The following OSBPL1A variants were observed in gnomAD, a reference collection of about 807,000 sequenced individuals.
OSBPL1A encodes oxysterol-binding protein-related protein 1.
OSBPL1A carries 80 observed loss-of-function variants against 137.1 expected under a neutral mutation model. The observed-to-expected ratio is 0.58, with a 90% CI of 0.49 to 0.70. The LOEUF is 0.70. Among genes scored for constraint, OSBPL1A ranks in the 30% least tolerant of loss-of-function variants. The pLI is 0.00. For missense variants in OSBPL1A, 970 were observed against 1,129.4 expected, an observed-to-expected ratio of 0.86 and a Z score of 2.02; for synonymous variants, 365 against 389.7, an observed-to-expected ratio of 0.94 and a Z score of 0.75.
intron 17 of OSBPL1A, among the ~76,000 whole-genome samples, chr18:24,203,126 C>T (rs1294545699): frequency 6.6e-6 from 1 of 152,134 alleles, no homozygotes; most frequent in East Asian, 1.9e-4. Context: ...TACAGGCATG[C>T]GCCACCATGT....
At chr18:24,172,303 C>T in intron 22 of OSBPL1A, 73 bp downstream of exon 22, 1 of 1,127,576 alleles carries the variant, frequency 8.9e-7, no homozygotes, top group Non-Finnish European at 1.3e-6. Context: ...ACAAACAAAA[C>T]AAAAAAACTG....
At chr18:24,228,897 G>A (rs2088179927) in intron 16 of OSBPL1A, among the ~76,000 whole-genome samples, 1 of 152,180 alleles carries the variant, frequency 6.6e-6, no homozygotes, top group Admixed American at 6.5e-5. Context: ...TGACTACATA[G>A]GATAAATAAA....
chr18:24,218,407 T>C (rs1436674480), intron 17 of OSBPL1A: 1 of 152,178 alleles, frequency 6.6e-6, no homozygotes, highest in African/African-American at 2.4e-5. Context: ...ATATTTTTTG[T>C]AGAAATCAGT....
intron 4 of OSBPL1A, among the ~76,000 whole-genome samples, chr18:24,364,573 T>C (rs1203084325): frequency 6.6e-6 from 1 of 152,102 alleles, no homozygotes; most frequent in African/African-American, 2.4e-5. Context: ...CTAGGCAATA[T>C]AGTGAGACTT....
intron 14 of OSBPL1A, among the ~76,000 whole-genome samples, chr18:24,293,067 T>C (rs1367357181): frequency 3.1e-5 from 4 of 128,706 alleles, no homozygotes; most frequent in African/African-American, 1.2e-4. Context: ...ATCGCACCAC[T>C]GCCTCTAGCC....
intron 18 of OSBPL1A, among the ~76,000 whole-genome samples, chr18:24,189,545 A>G (rs16940544): frequency 0.32 from 48,968 of 151,956 alleles, 8,356 homozygotes; most frequent in East Asian, 0.51. Flanking sequence ...TGTTTCCTCT[A>G]TGACACCTCT....
chr18:24,324,011 C>T (rs1158645787), intron 7 of OSBPL1A, among the ~76,000 whole-genome samples: 1 of 69,456 alleles, frequency 1.4e-5, no homozygotes, highest in African/African-American at 8.4e-5. Context: ...AATAAACATA[C>T]GTGTGCATGT....
chr18:24,184,099 T>C (rs2086680011), intron 18 of OSBPL1A, among the ~76,000 whole-genome samples: 1 of 152,260 alleles, frequency 6.6e-6, no homozygotes, highest in Non-Finnish European at 1.5e-5. Context: ...TATATGGACA[T>C]ACCATGAACT....
chr18:24,164,755 C>A (rs56317478), intron 27 of OSBPL1A, among the ~76,000 whole-genome samples: 14,593 of 152,104 alleles, frequency 0.096, 985 homozygotes, highest in Middle Eastern at 0.27. Flanking sequence ...ACTTAACTAC[C>A]ATAGGATCCG....
At chr18:24,382,848 C>G (rs1346705181) in intron 1 of OSBPL1A, among the ~76,000 whole-genome samples, 1 of 151,844 alleles carries the variant, frequency 6.6e-6, no homozygotes, top group East Asian at 1.9e-4. Flanking sequence ...TGCACTTTAG[C>G]CTGGGTGAGA....
intron 2 of OSBPL1A, among the ~76,000 whole-genome samples, chr18:24,376,176 C>A (rs1906117936): frequency 1.3e-5 from 2 of 152,186 alleles, no homozygotes; most frequent in African/African-American, 4.8e-5. Flanking sequence ...TCTGGCCCCA[C>A]CCACATCCTG....
At chr18:24,224,115 C>T (rs1227867998) in intron 17 of OSBPL1A, among the ~76,000 whole-genome samples, 2 of 152,116 alleles carry the variant, frequency 1.3e-5, no homozygotes, top group African/African-American at 4.8e-5. Context: ...TTACCTAAAA[C>T]TCACTAATCT....
intron 15 of OSBPL1A, among the ~76,000 whole-genome samples, chr18:24,267,161 AAAAAG>A (rs1003933319): frequency 1.3e-5 from 2 of 151,550 alleles, no homozygotes; most frequent in African/African-American, 4.8e-5. Context: ...GTTAAAAAAA[AAAAAG>A]AAAGAAAATT....
At chr18:24,263,659 G>A (rs1001299554) in intron 15 of OSBPL1A, among the ~76,000 whole-genome samples, 4 of 151,900 alleles carry the variant, frequency 2.6e-5, no homozygotes, top group African/African-American at 9.7e-5. Context: ...TTTTTGAAAC[G>A]GAGTTGCACT....
intron 15 of OSBPL1A, among the ~76,000 whole-genome samples, chr18:24,247,994 G>C (rs368911221): frequency 6.6e-6 from 1 of 152,032 alleles, no homozygotes; most frequent in Non-Finnish European, 1.5e-5. Context: ...GAAGTGAGAG[G>C]GGAGAATTGC....
At chr18:24,317,519 AGT>A in intron 9 of OSBPL1A, 119 bp from the exon 10 acceptor site, 1 of 645,872 alleles carries the variant, frequency 1.5e-6, no homozygotes, top group Non-Finnish European at 2.5e-6. Flanking sequence ...AGCACTGAAC[AGT>A]AAAAAAAAAT....
At chr18:24,165,642 T>A (rs2086128066) in intron 26 of OSBPL1A, among the ~76,000 whole-genome samples, 1 of 152,224 alleles carries the variant, frequency 6.6e-6, no homozygotes, top group Non-Finnish European at 1.5e-5. Context: ...AGAGGCTGCC[T>A]AGTGTGGGAG....
At chr18:24,360,980 A>T (rs2091612298) in intron 4 of OSBPL1A, among the ~76,000 whole-genome samples, 1 of 152,222 alleles carries the variant, frequency 6.6e-6, no homozygotes, top group Non-Finnish European at 1.5e-5. Flanking sequence ...GCTCACATTT[A>T]TTTCAATGTT....
At chr18:24,210,989 G>A (rs554231110) in intron 17 of OSBPL1A, among the ~76,000 whole-genome samples, 18 of 151,572 alleles carry the variant, frequency 1.2e-4, no homozygotes, top group South Asian at 2.1e-4. Flanking sequence ...TTTTTGAGAC[G>A]GAGTCTCGCT....
Sources: gnomAD v4.1 joint callset for allele counts (sites outside exome capture counted in the v4.1 genomes callset) on GRCh38, gnomAD v4.1.1 for gene constraint, MANE v1.5 for transcripts, NCBI Gene and HGNC (gene_info 2026-07-23, HGNC 2026-07-21) for gene names.